The following RTTN variants were observed in gnomAD, a reference collection of about 807,000 sequenced individuals.
The protein encoded by RTTN is rotatin.
RTTN carries 182 observed loss-of-function variants against 269.2 expected under a neutral mutation model. The ratio of observed to expected loss-of-function variants is 0.68; its 90% CI spans 0.60 to 0.76. RTTN has a LOEUF of 0.76. Ranked by LOEUF, RTTN falls within the 30% of genes least tolerant of loss-of-function variation. RTTN has a pLI of 0.00. For missense variants in RTTN, 2,545 were observed against 2,608.6 expected, an observed-to-expected ratio of 0.98 and a Z score of 0.53; for synonymous variants, 1,006 against 963.5, an observed-to-expected ratio of 1.04 and a Z score of -0.82.
rs1270104208 is a variant in RTTN at position 70,006,403 on chromosome 18, G to A, written c.6503C>T (p.Ala2168Val). The A allele has an allele frequency of 6.2e-7, 1 of 1,613,738 alleles. No homozygotes were observed. The highest frequency in any genetic ancestry group is 1.1e-5 in the South Asian group (1 of 91,070). The change falls in exon 47 of 49, where the codon GCT (alanine) becomes GTT (valine). Residue 2168 changes from alanine (A) to valine (V), a missense_variant. By Grantham distance (64) the Ala-to-Val change is moderately conservative. Coordinates refer to ENST00000640769, the MANE Select transcript of RTTN (RefSeq NM_173630.4). ...AQRIGAAALWALIYNYQKAKT... is the reference protein window; with the variant it reads ...AQRIGAAALWVLIYNYQKAKT... The stretch of plus-strand genomic sequence containing the variant: ...GACCTTCTGATAATTGTAAATCAGA[G>A]CCCAAAGGGCAGCTGCTCCAATCCT...
intron 26 of RTTN, among the ~76,000 whole-genome samples, chr18:70,118,144 G>C (rs1026654177): frequency 6.6e-6 from 1 of 151,378 alleles, no homozygotes; most frequent in Non-Finnish European, 1.5e-5. Flanking sequence ...AATAGAAACT[G>C]GAAAAACAAT....
intron 32 of RTTN, among the ~76,000 whole-genome samples, chr18:70,084,307 T>C (rs1462823863): frequency 6.6e-6 from 1 of 152,168 alleles, no homozygotes; most frequent in East Asian, 1.9e-4. Context: ...TTTCATGCTA[T>C]ATCCTCCACA....
chr18:70,028,874 T>C, intron 42 of RTTN, 73 bp from the exon 43 acceptor site: 1 of 1,032,728 alleles, frequency 9.7e-7, no homozygotes, highest in Non-Finnish European at 1.5e-6. Flanking sequence ...AGTAATTCCC[T>C]CCCCTTTGGG....
At chr18:70,082,984 C>T (rs2058610495) in intron 32 of RTTN, among the ~76,000 whole-genome samples, 1 of 152,204 alleles carries the variant, frequency 6.6e-6, no homozygotes, top group Admixed American at 6.5e-5. Flanking sequence ...TGAGCCACCA[C>T]ACCCAGCTGG....
At chr18:70,162,623 G>A (rs1311371841) in intron 14 of RTTN, among the ~76,000 whole-genome samples, 1 of 152,048 alleles carries the variant, frequency 6.6e-6, no homozygotes, top group Non-Finnish European at 1.5e-5. Flanking sequence ...CAGGATGGGG[G>A]AAACTGCCCC....
intron 14 of RTTN, among the ~76,000 whole-genome samples, chr18:70,155,672 G>T (rs577635564): frequency 1.3e-5 from 2 of 152,332 alleles, no homozygotes; most frequent in Admixed American, 6.5e-5. Context: ...AGCCCAGAGG[G>T]TCTGGCGCAG....
intron 26 of RTTN, among the ~76,000 whole-genome samples, chr18:70,117,380 G>T (rs898352421): frequency 6.6e-6 from 1 of 151,880 alleles, no homozygotes; most frequent in South Asian, 2.1e-4. Flanking sequence ...CTAAACATTG[G>T]TAGTTATATA....
chr18:70,032,816 G>A (rs1019811478), intron 40 of RTTN, among the ~76,000 whole-genome samples: 2 of 152,082 alleles, frequency 1.3e-5, no homozygotes, highest in Admixed American at 6.5e-5. Flanking sequence ...ACTCAACACT[G>A]GACCAAATGG....
chr18:70,092,304 T>G (rs1486052754), intron 29 of RTTN, 84 bp from the exon 30 acceptor site: 9 of 881,484 alleles, frequency 1.0e-5, no homozygotes, highest in Admixed American at 2.3e-5. Flanking sequence ...GAATTTTTAA[T>G]GAAAACAACG....
chr18:70,125,920 C>G (rs2059853239), intron 25 of RTTN, among the ~76,000 whole-genome samples: 1 of 151,990 alleles, frequency 6.6e-6, no homozygotes, highest in Admixed American at 6.6e-5. Flanking sequence ...ATTTTTGATA[C>G]ATTCCTTAGT....
In RTTN at chr18:70,145,705, T is replaced by C. The variant is rs958608555; in HGVS notation, c.2388A>G (p.Ile796Met). Residue 796 changes from isoleucine (I) to methionine (M), a missense_variant, in exon 18 of 49, where the codon ATA (isoleucine) becomes ATG (methionine). Physicochemically the swap from Ile to Met is conservative, Grantham distance 10 (BLOSUM62 1). Coordinates refer to ENST00000640769, the MANE Select transcript of RTTN (RefSeq NM_173630.4). ...TAACTCTGGAGAGAACTCTGGCGTC[T>C]ATTAGAGGACGCTTTGTATCAGCCC... is the stretch of plus-strand genomic sequence containing the variant. ...EEGADTKRPL[I>M]DARVLSRVTD... The C allele has an allele frequency of 3.7e-6, 6 of 1,613,506 alleles. No homozygotes were observed. The highest frequency in any genetic ancestry group is 5.1e-6 in the Non-Finnish European group (6 of 1,179,570).
At chr18:70,061,335 A>T (rs1280436363) in intron 35 of RTTN, 1 of 456,056 alleles carries the variant, frequency 2.2e-6, no homozygotes. Context: ...AAGATGTTCC[A>T]GGTTCATCTT....
intron 28 of RTTN, among the ~76,000 whole-genome samples, chr18:70,096,941 A>G (rs1357709730): frequency 2.0e-5 from 3 of 152,224 alleles, no homozygotes; most frequent in Non-Finnish European, 2.9e-5. Flanking sequence ...TTAAGTGACT[A>G]CTTGAAAAAT....
At chr18:70,086,480 C>T in intron 32 of RTTN, 133 bp downstream of exon 32, 4 of 761,218 alleles carry the variant, frequency 5.3e-6, no homozygotes, top group South Asian at 1.7e-5. Flanking sequence ...ACAAATTCTA[C>T]GTTCTATTTT....
chr18:70,087,352 T>C (rs960691754), intron 31 of RTTN, among the ~76,000 whole-genome samples: 3 of 152,056 alleles, frequency 2.0e-5, no homozygotes, highest in Non-Finnish European at 4.4e-5. Flanking sequence ...AGTTGATAAA[T>C]CAAGAAGCAG....
At chr18:70,107,035 G>A (rs2059338564) in intron 28 of RTTN, among the ~76,000 whole-genome samples, 1 of 152,160 alleles carries the variant, frequency 6.6e-6, no homozygotes, top group Non-Finnish European at 1.5e-5. Context: ...AACAGCAAAA[G>A]CAAGAATAGA....
intron 11 of RTTN, among the ~76,000 whole-genome samples, chr18:70,176,402 G>A (rs2061301593): frequency 6.6e-6 from 1 of 151,990 alleles, no homozygotes; most frequent in African/African-American, 2.4e-5. Context: ...GAATGAACAA[G>A]GAATAAACAA....
intron 40 of RTTN, among the ~76,000 whole-genome samples, chr18:70,042,851 T>C (rs1192397691): frequency 1.3e-5 from 2 of 152,198 alleles, no homozygotes; most frequent in Non-Finnish European, 2.9e-5. Context: ...CTCAGTACCT[T>C]TTCTCTGAAA....
chr18:70,052,651 T>TATATATATAC (rs774350229), intron 38 of RTTN, among the ~76,000 whole-genome samples: 278 of 149,154 alleles, frequency 1.9e-3, no homozygotes, highest in Middle Eastern at 3.5e-3. Context: ...CTTATATATA[T>TATATATATAC]ATATCATCAC....
Sources: allele counts gnomAD v4.1 joint callset (sites outside exome capture counted in the v4.1 genomes callset), GRCh38; gene constraint gnomAD v4.1.1; transcripts MANE v1.5; gene names NCBI Gene and HGNC (gene_info 2026-07-23, HGNC 2026-07-21).